Variants in C8orf34 observed in about 807,000 individuals in gnomAD.
C8orf34 encodes the protein chromosome 8 open reading frame 34.
Under a neutral mutation model 68.3 loss-of-function variants are expected in C8orf34, and 65 were observed. The ratio of observed to expected loss-of-function variants is 0.95; its 90% CI spans 0.78 to 1.17. The LOEUF (loss-of-function observed/expected upper bound fraction) is 1.17, where lower values mean the gene tolerates loss of function less well. C8orf34 is among the 50% of genes most tolerant of loss of function. C8orf34 has a pLI of 0.00. For missense variants in C8orf34, 664 were observed against 655.4 expected (o/e 1.01, Z -0.14); for synonymous variants, 244 against 241.2 (o/e 1.01, Z -0.11).
intron 1 of C8orf34, among the ~76,000 whole-genome samples, chr8:68,406,751 T>C (rs1241659129): frequency 1.3e-5 from 2 of 152,216 alleles, no homozygotes; most frequent in Non-Finnish European, 2.9e-5. Context: ...CACCTCGGCC[T>C]CCCAAATTGC....
chr8:68,678,637 T>C (rs764580896), intron 8 of C8orf34, among the ~76,000 whole-genome samples: 1 of 152,086 alleles, frequency 6.6e-6, no homozygotes, highest in Non-Finnish European at 1.5e-5. Context: ...GCTAGTAGTA[T>C]ACTGAATGGG....
At chr8:68,554,030 C>A in intron 7 of C8orf34, among the ~76,000 whole-genome samples, 1 of 151,880 alleles carries the variant, frequency 6.6e-6, no homozygotes, top group East Asian at 1.9e-4. Flanking sequence ...TTTAAATGTG[C>A]TCTTTTCTCT....
intron 4 of C8orf34, among the ~76,000 whole-genome samples, chr8:68,483,115 T>G (rs1181562082): frequency 6.6e-6 from 1 of 152,234 alleles, no homozygotes; most frequent in Admixed American, 6.5e-5. Context: ...TTCCGTTTCC[T>G]ATAACTACAA....
intron 10 of C8orf34, among the ~76,000 whole-genome samples, chr8:68,768,506 T>A (rs1823245540): frequency 6.6e-6 from 1 of 152,194 alleles, no homozygotes; most frequent in African/African-American, 2.4e-5. Context: ...TTAACCTCGT[T>A]TCTTGTATCT....
intron 12 of C8orf34, among the ~76,000 whole-genome samples, chr8:68,802,232 C>T (rs1016282917): frequency 1.1e-4 from 17 of 152,002 alleles, no homozygotes; most frequent in African/African-American, 3.9e-4. Flanking sequence ...TCCCGAGTAG[C>T]TGGGATTACA....
At chr8:68,580,125 A>C (rs533624119) in intron 7 of C8orf34, among the ~76,000 whole-genome samples, 18 of 152,282 alleles carry the variant, frequency 1.2e-4, no homozygotes, top group African/African-American at 4.1e-4. Flanking sequence ...TATATAGTAA[A>C]TGAGAGAATT....
chr8:68,522,856 A>T (rs886726915), intron 6 of C8orf34, among the ~76,000 whole-genome samples: 2 of 150,914 alleles, frequency 1.3e-5, no homozygotes, highest in Admixed American at 1.3e-4. Flanking sequence ...GCTGCCCGTC[A>T]CAGAAGAGTT....
At chr8:68,757,616 G>A (rs1294138487) in intron 10 of C8orf34, among the ~76,000 whole-genome samples, 5 of 150,884 alleles carry the variant, frequency 3.3e-5, no homozygotes, top group Non-Finnish European at 5.9e-5. Context: ...GTGAGACTCC[G>A]TCTCAAAAAA....
chr8:68,649,645 T>C (rs1819283905), intron 8 of C8orf34, among the ~76,000 whole-genome samples: 2 of 152,214 alleles, frequency 1.3e-5, no homozygotes, highest in Admixed American at 1.3e-4. Context: ...TGCTTGTAAA[T>C]CAATGCAAAA....
intron 7 of C8orf34, chr8:68,534,257 A>G (rs924230200): frequency 1.1e-4 from 110 of 985,248 alleles, no homozygotes; most frequent in Non-Finnish European, 1.3e-4. Flanking sequence ...TGGCGTTTTC[A>G]TTACATGCTG....
chr8:68,432,224 G>T (rs1193102431), intron 1 of C8orf34, among the ~76,000 whole-genome samples: 1 of 151,448 alleles, frequency 6.6e-6, no homozygotes, highest in Non-Finnish European at 1.5e-5. Flanking sequence ...CATCTTGTAT[G>T]CAATTCTTAA....
Position 68,613,204 on chromosome 8 carries a change from G to A in C8orf34, c.1106-27172G>A, listed in dbSNP as rs371041124. On this transcript the variant is annotated intron_variant, in intron 7 of 13. Transcript: ENST00000518698. ...GAAATTAAACTTGATGGTACAAGAG[G>A]AGACAGTAATGGGAATTCTTGCCCT... Among the ~76,000 whole-genome samples, 3 of 152,240 alleles carry A rather than the reference G, an allele frequency of 2.0e-5. No individual in the cohort carries two copies. In the South Asian group the frequency reaches 6.2e-4, roughly 32 times the overall value.
intron 10 of C8orf34, among the ~76,000 whole-genome samples, chr8:68,759,931 T>C (rs573752321): frequency 3.9e-5 from 6 of 152,318 alleles, no homozygotes; most frequent in African/African-American, 1.4e-4. Flanking sequence ...ATATACTCAT[T>C]GCCATTAAAG....
At chr8:68,350,532 G>C (rs1238279820) in intron 1 of C8orf34, among the ~76,000 whole-genome samples, 1 of 151,978 alleles carries the variant, frequency 6.6e-6, no homozygotes, top group Non-Finnish European at 1.5e-5. Context: ...TTAGTGGAGT[G>C]CTGAAGTCTC....
At chr8:68,394,126 T>G (rs1453068388) in intron 1 of C8orf34, among the ~76,000 whole-genome samples, 1 of 149,260 alleles carries the variant, frequency 6.7e-6, no homozygotes, top group Non-Finnish European at 1.5e-5. Flanking sequence ...TTAGGGTACA[T>G]GTGCACAATG....
At chr8:68,421,195 A>G (rs183374072) in intron 1 of C8orf34, among the ~76,000 whole-genome samples, 5 of 152,328 alleles carry the variant, frequency 3.3e-5, no homozygotes, top group Admixed American at 1.3e-4. Flanking sequence ...CTGTTCCTCT[A>G]TTCTAAATAA....
At chr8:68,507,945 A>G (rs1336070402) in intron 5 of C8orf34, among the ~76,000 whole-genome samples, 1 of 152,130 alleles carries the variant, frequency 6.6e-6, no homozygotes, top group Non-Finnish European at 1.5e-5. Flanking sequence ...GCACCATTTC[A>G]ATTTTTTTCA....
At chr8:68,567,158 G>A (rs1030891540) in intron 7 of C8orf34, among the ~76,000 whole-genome samples, 4 of 152,084 alleles carry the variant, frequency 2.6e-5, no homozygotes, top group Non-Finnish European at 4.4e-5. Context: ...ATTTAGGGAG[G>A]GTTCCCTCTT....
intron 1 of C8orf34, among the ~76,000 whole-genome samples, chr8:68,420,702 T>G (rs780983688): frequency 3.9e-5 from 6 of 152,094 alleles, no homozygotes; most frequent in Non-Finnish European, 5.9e-5. Context: ...ATATTAAAAC[T>G]TCAACAGATA....
Sources: allele counts gnomAD v4.1 joint callset (sites outside exome capture counted in the v4.1 genomes callset), GRCh38; gene constraint gnomAD v4.1.1; transcripts MANE v1.5; gene names NCBI Gene and HGNC (gene_info 2026-07-23, HGNC 2026-07-21).